Variants in MGA observed in about 807,000 individuals in gnomAD.
The protein encoded by MGA is MAX dimerization protein MGA, also known as MAX gene-associated protein.
Under a neutral mutation model 261.1 loss-of-function variants are expected in MGA, and 40 were observed. That is an observed-to-expected ratio of 0.15 (90% confidence interval 0.12 to 0.20). The LOEUF (loss-of-function observed/expected upper bound fraction) is 0.20, where lower values mean the gene tolerates loss of function less well. Among genes scored for constraint, MGA ranks in the 10% least tolerant of loss-of-function variants. The pLI is 1.00. For synonymous variants in MGA, 1,302 were observed against 1,290.6 expected (o/e 1.01, Z -0.19); for missense variants, 3,397 against 3,630.5 (o/e 0.94, Z 1.65).
At position 41,749,448 on chromosome 15, in the gene MGA, A is replaced by G. The variant is rs758621608; in HGVS notation, c.5841A>G (p.Leu1947=). 1 of 1,613,982 alleles carries G rather than the reference A, an allele frequency of 6.2e-7. No homozygotes were observed. The highest frequency in any genetic ancestry group is 2.2e-5 in the East Asian group (1 of 44,890). The change falls in exon 17 of 24, where the codon TTA becomes TTG. Residue 1947 remains leucine, a synonymous_variant. Coordinates refer to ENST00000219905, the MANE Select transcript of MGA (RefSeq NM_001164273.2). ...TCCAGTCTGGTAGTTTTGCCTTGTT[A>G]CAGCTCCCAGGACAAAAGCCTGTTC... is the stretch of plus-strand genomic sequence containing the variant.
At chr15:41,713,572 C>T (rs985829131) in intron 9 of MGA, 76 bp downstream of exon 9, 4 of 1,419,112 alleles carry the variant, frequency 2.8e-6, no homozygotes, top group East Asian at 2.5e-5. Context: ...ATAATACAAC[C>T]TACCTTAATC....
chr15:41,685,971 C>G (rs139117865), intron 2 of MGA, among the ~76,000 whole-genome samples: 2,061 of 148,822 alleles, frequency 0.014, 57 homozygotes, highest in African/African-American at 0.049. Context: ...TGCCACTGCA[C>G]TCCAGCCTGG....
At chr15:41,738,099 TTAA>T (rs1567056960) in intron 13 of MGA, among the ~76,000 whole-genome samples, 3 of 152,112 alleles carry the variant, frequency 2.0e-5, no homozygotes, top group Admixed American at 1.3e-4. Context: ...GACTTCTCCA[TTAA>T]TAATATGATT....
chr15:41,683,084 G>T (rs2058758618), intron 2 of MGA, among the ~76,000 whole-genome samples: 1 of 152,160 alleles, frequency 6.6e-6, no homozygotes, highest in East Asian at 1.9e-4. Context: ...CTGTTGAGAA[G>T]TTTGATGGCA....
chr15:41,760,100 C>A, intron 19 of MGA: 1 of 491,656 alleles, frequency 2.0e-6, no homozygotes, highest in South Asian at 2.8e-5. Flanking sequence ...GAACTGAGAG[C>A]TGGTAAGATC....
chr15:41,695,030 G>A (rs1020763366), intron 2 of MGA, among the ~76,000 whole-genome samples: 7 of 152,080 alleles, frequency 4.6e-5, no homozygotes, highest in East Asian at 1.9e-4. Flanking sequence ...TATATATAGT[G>A]GTGTGTATAG....
Position 41,710,841 on chromosome 15 carries a change from C to T in MGA, c.2576C>T (p.Thr859Ile), listed in dbSNP as rs1378907863. 1 of 1,613,950 alleles carries T rather than the reference C, an allele frequency of 6.2e-7. No individual in the cohort carries two copies. Among genetic ancestry groups the T allele is most frequent in the South Asian group, 1.1e-5 (1 of 91,078 alleles). The change falls in exon 8 of 24, where the codon ACT becomes ATT. Residue 859 changes from threonine to isoleucine, a missense_variant. This residue lies in a region of MGA where 519 missense variants were observed against 554.1 expected (regional missense o/e 0.94). Coordinates refer to ENST00000219905, the MANE Select transcript of MGA (RefSeq NM_001164273.2). ...TCTCCTGTGGTGTACCAGCTTCCCA[C>T]TAAGAGTACCAGTTATGTACGAACA...
rs796926260 is a variant in MGA at position 41,689,562 on chromosome 15, C to CT, written c.1065-6501dup. On this transcript the variant is annotated intron_variant, in intron 2 of 23. Transcript: ENST00000219905. ...GTTTATTTTGGTTCATTTTCTTTTTCTTTTTTTTTTTTCTTTTTTTTGAGA... is the reference window on the plus strand; with the variant it reads ...GTTTATTTTGGTTCATTTTCTTTTTCTTTTTTTTTTTTTCTTTTTTTTGAGA... 6.8e-3 allele frequency among the ~76,000 whole-genome samples: 944 copies of CT among 139,314 alleles called. 5 individuals carry two copies. Among genetic ancestry groups the CT allele is most frequent in the Middle Eastern group, 0.011 (3 of 282 alleles). 91.4% of individuals were successfully genotyped at this position (139,314 alleles called of 152,430 possible).
At chr15:41,645,192 T>C (rs1436555060) in intron 1 of MGA, among the ~76,000 whole-genome samples, 1 of 152,242 alleles carries the variant, frequency 6.6e-6, no homozygotes, top group Non-Finnish European at 1.5e-5. Context: ...GTATTTAATC[T>C]TAGAAAATGT....
intron 1 of MGA, among the ~76,000 whole-genome samples, chr15:41,644,208 A>G (rs146617036): frequency 0.017 from 2,567 of 152,146 alleles, 32 homozygotes; most frequent in South Asian, 0.041. Flanking sequence ...CATTCAAAAT[A>G]TTACTATACA....
At chr15:41,712,625 A>T (rs2060445289) in intron 8 of MGA, among the ~76,000 whole-genome samples, 2 of 152,164 alleles carry the variant, frequency 1.3e-5, no homozygotes, top group Non-Finnish European at 2.9e-5. Context: ...TTCGTTATTA[A>T]TCCTTCATAA....
chr15:41,664,461 G>A (rs2057607584), intron 1 of MGA, among the ~76,000 whole-genome samples: 2 of 152,168 alleles, frequency 1.3e-5, no homozygotes, highest in Admixed American at 1.3e-4. Context: ...GTAATGATCT[G>A]AAAACCAAAA....
intron 1 of MGA, among the ~76,000 whole-genome samples, chr15:41,647,821 T>G (rs2056964732): frequency 2.0e-5 from 3 of 152,180 alleles, no homozygotes; most frequent in South Asian, 2.1e-4. Flanking sequence ...TTTTGGGGGA[T>G]TACATACTCC....
At chr15:41,653,305 G>A (rs1464014002) in intron 1 of MGA, among the ~76,000 whole-genome samples, 1 of 151,380 alleles carries the variant, frequency 6.6e-6, no homozygotes, top group Non-Finnish European at 1.5e-5. Context: ...GGAGGCCAAG[G>A]TTGCAGTGAG....
chr15:41,677,558 T>G (rs2151052014), intron 2 of MGA, among the ~76,000 whole-genome samples: 1 of 152,312 alleles, frequency 6.6e-6, no homozygotes, highest in Middle Eastern at 3.4e-3. Context: ...CACTCTATAT[T>G]CCCATCAACA....
At position 41,697,027 on chromosome 15, in the gene MGA, A is replaced by G; in HGVS notation, c.2013+4A>G. The G allele has an allele frequency of 6.6e-7, 1 of 1,521,358 alleles. No homozygotes were observed. The allele number at this position is 1,521,358 out of a possible 1,614,324, so 94.2% of individuals were successfully genotyped here. ...CTTTGTTTCCTTTGAATCAAAGGTA[A>G]GATTGTAATTTTCAGGATTCTTTAA... On this transcript the variant is annotated splice_donor_region_variant and intron_variant, in intron 3 of 23. Transcript: ENST00000219905.
chr15:41,669,212 T>G lies in MGA; in HGVS notation c.318T>G (p.Pro106=). Residue 106 remains proline, a synonymous_variant, in exon 2 of 24, where the codon CCT becomes CCG. Transcript: ENST00000219905. ...CCAAGCAAGGAAGACGCATGTTTCC[T>G]TACTGTCGTTATTGGATAACAGGTT... 1 of 1,614,034 alleles carries G rather than the reference T, an allele frequency of 6.2e-7. No individual in the cohort carries two copies. The highest frequency in any genetic ancestry group is 1.3e-5 in the African/African-American group (1 of 75,060).
chr15:41,709,963 C>G (rs1312439213), intron 7 of MGA, among the ~76,000 whole-genome samples: 1 of 151,808 alleles, frequency 6.6e-6, no homozygotes, highest in African/African-American at 2.4e-5. Flanking sequence ...CTGGGGATTG[C>G]ATTGCAGGCA....
At chr15:41,665,997 C>A (rs1249538051) in intron 1 of MGA, among the ~76,000 whole-genome samples, 1 of 151,582 alleles carries the variant, frequency 6.6e-6, no homozygotes, top group Non-Finnish European at 1.5e-5. Context: ...CTCACTGCAA[C>A]CTGAACTTCC....
Sources: gnomAD v4.1 joint callset for allele counts (sites outside exome capture counted in the v4.1 genomes callset) on GRCh38, gnomAD v4.1.1 for gene constraint, gnomAD v4.1.1 regional missense constraint, MANE v1.5 for transcripts, NCBI Gene and HGNC (gene_info 2026-07-23, HGNC 2026-07-21) for gene names.